The following ANKFN1 variants were observed in gnomAD, a reference collection of about 807,000 sequenced individuals.
The protein encoded by ANKFN1 is ankyrin repeat and fibronectin type III domain containing 1.
Under a neutral mutation model 108.7 loss-of-function variants are expected in ANKFN1, and 74 were observed. The observed-to-expected ratio is 0.68, with a 90% CI of 0.56 to 0.83. The LOEUF (loss-of-function observed/expected upper bound fraction) is 0.83. Among genes scored for constraint, ANKFN1 ranks in the 40% least tolerant of loss-of-function variants. ANKFN1 has a pLI of 0.00. For synonymous variants in ANKFN1, 547 were observed against 516.2 expected (o/e 1.06, Z -0.81); for missense variants, 1,505 against 1,382.3 (o/e 1.09, Z -1.41).
At chr17:56,082,279 T>TG (rs200289857) in intron 4 of ANKFN1, among the ~76,000 whole-genome samples, 37 of 98,508 alleles carry the variant, frequency 3.8e-4, no homozygotes, top group African/African-American at 1.6e-3. Context: ...TTGTTGTTGT[T>TG]TTGTTTTGTT....
intron 3 of ANKFN1, among the ~76,000 whole-genome samples, chr17:56,256,477 A>G (rs568315913): frequency 6.6e-6 from 1 of 152,316 alleles, no homozygotes; most frequent in South Asian, 2.1e-4. Flanking sequence ...AACCTGGAGT[A>G]AAGAACAGAA....
intron 8 of ANKFN1, among the ~76,000 whole-genome samples, chr17:56,433,141 AT>A (rs2145123584): frequency 6.6e-6 from 1 of 152,274 alleles, no homozygotes; most frequent in South Asian, 2.1e-4. Flanking sequence ...AATACTCTTT[AT>A]TGTAGATTCT....
intron 6 of ANKFN1, among the ~76,000 whole-genome samples, chr17:56,371,210 A>G (rs2046803451): frequency 6.6e-6 from 1 of 152,198 alleles, no homozygotes; most frequent in African/African-American, 2.4e-5. Context: ...ATTAACCATG[A>G]CAAATCTGCA....
intron 3 of ANKFN1, among the ~76,000 whole-genome samples, chr17:56,297,406 G>A (rs1008314963): frequency 4.6e-5 from 7 of 152,156 alleles, no homozygotes; most frequent in South Asian, 2.1e-4. Context: ...CAATCTACTC[G>A]TGATTCTGTT....
At chr17:56,328,388 G>A (rs568274973) in intron 4 of ANKFN1, among the ~76,000 whole-genome samples, 105 of 152,248 alleles carry the variant, frequency 6.9e-4, no homozygotes, top group Non-Finnish European at 9.1e-4. Flanking sequence ...TCTTTCATCA[G>A]AGACTCAATT....
chr17:56,154,708 C>T (rs1908932498), intron 1 of ANKFN1, among the ~76,000 whole-genome samples: 1 of 151,544 alleles, frequency 6.6e-6, no homozygotes, highest in African/African-American at 2.4e-5. Context: ...CCTTTGGGGA[C>T]AGGAACTATA....
intron 8 of ANKFN1, among the ~76,000 whole-genome samples, chr17:56,409,576 A>T (rs1004890857): frequency 6.6e-6 from 1 of 152,156 alleles, no homozygotes; most frequent in Non-Finnish European, 1.5e-5. Context: ...CATCAAAATT[A>T]ATCCTGATAG....
intron 1 of ANKFN1, among the ~76,000 whole-genome samples, chr17:56,188,579 G>GTATATATATA (rs1220822008): frequency 1.6e-3 from 113 of 71,352 alleles, no homozygotes; most frequent in African/African-American, 5.6e-3. Flanking sequence ...GTGTGTGTGT[G>GTATATATATA]TGTATATATA....
At chr17:56,226,651 T>C (rs539953443) in intron 2 of ANKFN1, among the ~76,000 whole-genome samples, 5 of 152,286 alleles carry the variant, frequency 3.3e-5, no homozygotes, top group Non-Finnish European at 2.9e-5. Flanking sequence ...TTCATGGATT[T>C]ATCATATGTT....
intron 8 of ANKFN1, among the ~76,000 whole-genome samples, chr17:56,386,205 G>A (rs1358520625): frequency 6.6e-6 from 1 of 151,614 alleles, no homozygotes; most frequent in African/African-American, 2.4e-5. Context: ...ATCATTCTCA[G>A]TAAACTATCG....
chr17:56,138,790 T>C (rs1254030630), intron 4 of ANKFN1, among the ~76,000 whole-genome samples: 2 of 152,112 alleles, frequency 1.3e-5, no homozygotes, highest in Non-Finnish European at 2.9e-5. Context: ...GGATTATAAG[T>C]GTGAGCCACT....
intron 4 of ANKFN1, among the ~76,000 whole-genome samples, chr17:56,135,974 G>A (rs1420472378): frequency 5.9e-5 from 9 of 152,288 alleles, no homozygotes; most frequent in Middle Eastern, 3.4e-3. Context: ...TTGTAGTGGA[G>A]CATGCTATGA....
chr17:56,324,701 A>G (rs961362785), intron 3 of ANKFN1, among the ~76,000 whole-genome samples: 1 of 152,256 alleles, frequency 6.6e-6, no homozygotes, highest in Admixed American at 6.5e-5. Context: ...AAGGGCATGA[A>G]TATTCCTAAA....
intron 8 of ANKFN1, among the ~76,000 whole-genome samples, chr17:56,375,877 A>G (rs556467499): frequency 1.3e-5 from 2 of 152,332 alleles, no homozygotes; most frequent in African/African-American, 2.4e-5. Context: ...TATGATTCCA[A>G]CTTTGCAGAT....
rs192782925 is a variant in ANKFN1, at chr17:56,427,310, G to T, written c.911-13017G>T. Among the ~76,000 whole-genome samples the T allele has an allele frequency of 2.4e-3, 361 of 152,258 alleles. 1 individual carries two copies. Among genetic ancestry groups the T allele is most frequent in the African/African-American group, 8.0e-3 (332 of 41,552 alleles). On this transcript the variant is annotated intron_variant, in intron 8 of 20. Coordinates refer to ENST00000682825, the MANE Select transcript of ANKFN1 (RefSeq NM_001370326.1). ...GGAGTGCTCAGAGTAGGCTCTTAGA[G>T]GGGGAGGAGGAGAAACACTTGGCAC...
At chr17:56,193,594 AG>A (rs1913219108) in intron 1 of ANKFN1, among the ~76,000 whole-genome samples, 1 of 151,536 alleles carries the variant, frequency 6.6e-6, no homozygotes, top group Admixed American at 6.6e-5. Flanking sequence ...AAAAAAAAAA[AG>A]AATCTAGACA....
chr17:56,243,261 C>T (rs1214956214), intron 3 of ANKFN1, among the ~76,000 whole-genome samples: 1 of 152,094 alleles, frequency 6.6e-6, no homozygotes, highest in African/African-American at 2.4e-5. Context: ...CTCTCCTTAG[C>T]CCTCCTTATC....
In ANKFN1 at chr17:56,467,834, G is replaced by GA. The variant is rs1568026725; in HGVS notation, c.1773+1266dup. On this transcript the variant is annotated intron_variant, in intron 15 of 20. Transcript: ENST00000682825. The stretch of plus-strand genomic sequence containing the variant: ...AGAAAGAAAGAAAGAAAGAAAGAAA[G>GA]AAAGAAAGAAAGAAAGAAAAAGGGA... 1.7e-4 allele frequency among the ~76,000 whole-genome samples: 10 copies of GA among 60,294 alleles called. 2 individuals are homozygous for GA. Among genetic ancestry groups the GA allele is most frequent in the African/African-American group, 8.2e-4 (9 of 11,014 alleles). 39.6% of individuals were successfully genotyped at this position (60,294 alleles called of 152,430 possible). A position where few individuals can be genotyped will look rare whatever the true frequency, so the allele number is the denominator to read the frequency against.
At chr17:56,504,962 C>T (rs907776916) in intron 20 of ANKFN1, among the ~76,000 whole-genome samples, 6 of 151,836 alleles carry the variant, frequency 4.0e-5, no homozygotes, top group African/African-American at 1.5e-4. Flanking sequence ...TGTGAGCCAC[C>T]GCACCCAGCC....
Sources: allele counts gnomAD v4.1 joint callset (sites outside exome capture counted in the v4.1 genomes callset), GRCh38; gene constraint gnomAD v4.1.1; transcripts MANE v1.5; gene names NCBI Gene and HGNC (gene_info 2026-07-23, HGNC 2026-07-21).